TBL1X: variants seen among roughly 807,000 people sequenced by gnomAD.
The protein encoded by TBL1X is F-box-like/WD repeat-containing protein TBL1X.
Under a neutral mutation model 50.7 loss-of-function variants are expected in TBL1X, and 10 were observed. The observed-to-expected ratio is 0.20, with a 90% CI of 0.12 to 0.33. The LOEUF (loss-of-function observed/expected upper bound fraction) is 0.33. Among genes scored for constraint, TBL1X ranks in the 10% least tolerant of loss-of-function variants. The pLI, the probability that TBL1X is intolerant of heterozygous loss-of-function variation, is 1.00. For missense variants in TBL1X, 340 were observed against 504.4 expected, an observed-to-expected ratio of 0.67 and a Z score of 3.12; for synonymous variants, 190 against 214.7, an observed-to-expected ratio of 0.88 and a Z score of 1.01.
intron 2 of TBL1X, among the ~76,000 whole-genome samples, chrX:9,578,209 TG>T (rs2082422542): frequency 8.9e-6 from 1 of 111,906 alleles, no homozygotes; most frequent in African/African-American, 3.3e-5. Flanking sequence ...AAACCAGCCC[TG>T]TTAAGTGCTG....
At position 9,664,539 on chromosome X, in the gene TBL1X, C is replaced by T. The variant is rs755565848; in HGVS notation, c.211+10217C>T. On this transcript the variant is annotated intron_variant, in intron 5 of 17. Coordinates refer to ENST00000645353, the MANE Select transcript of TBL1X (RefSeq NM_005647.4). ...TGAATGTTTGCAGACTGGGGACTGT[C>T]GTTTCTGGGTGGGCTGCATTTTTAC... Among the ~76,000 whole-genome samples, 5 of 110,724 alleles carry T rather than the reference C, an allele frequency of 4.5e-5. No homozygotes were observed. In the South Asian group the frequency reaches 1.2e-3, roughly 26 times the overall value.
At chrX:9,665,522 T>C (rs1298418886) in intron 5 of TBL1X, among the ~76,000 whole-genome samples, 2 of 49,793 alleles carry the variant, frequency 4.0e-5, no homozygotes, top group East Asian at 1.7e-3. Flanking sequence ...TATATATATA[T>C]ATATATATAT....
In TBL1X at chrX:9,716,137, G is replaced by A. The variant is rs2083276900; in HGVS notation, c.1708-83G>A. 4.8e-6 allele frequency: 5 copies of A among 1,051,292 alleles called. No homozygotes were observed. In the South Asian group the frequency reaches 7.9e-5, roughly 17 times the overall value. 86.6% of individuals were successfully genotyped at this position (1,051,292 alleles called of 1,213,427 possible). On this transcript the variant is annotated intron_variant, in intron 17 of 17. Transcript: ENST00000645353. Reference sequence around the variant, plus strand: ...CGGTGGAGGGCTAGATTGGGCGTGGGGGCCGTAGCTTGCCGACTTCTCACT... The same window carrying A: ...CGGTGGAGGGCTAGATTGGGCGTGGAGGCCGTAGCTTGCCGACTTCTCACT...
At position 9,690,601 on chromosome X, in the gene TBL1X, T is replaced by C. The variant is rs2083090812; in HGVS notation, c.617-978T>C. On this transcript the variant is annotated intron_variant, in intron 7 of 17. Transcript: ENST00000645353. Reference sequence around the variant, plus strand: ...CCCTGGAAATTGGGGCTTCAAGATATGAATTTTAGGGGGACATAGTTTAGC... The same window carrying C: ...CCCTGGAAATTGGGGCTTCAAGATACGAATTTTAGGGGGACATAGTTTAGC... Among the ~76,000 whole-genome samples, 3 of 111,854 alleles carry C rather than the reference T, an allele frequency of 2.7e-5. No individual in the cohort carries two copies. In the Admixed American group the frequency reaches 2.9e-4, roughly 11 times the overall value.
chrX:9,627,055 A>G (rs1360012747), intron 2 of TBL1X, among the ~76,000 whole-genome samples: 2 of 112,453 alleles, frequency 1.8e-5, no homozygotes, highest in Non-Finnish European at 3.8e-5. Context: ...GCAAGTTTCC[A>G]GTAGCTGTAA....
intron 5 of TBL1X, among the ~76,000 whole-genome samples, chrX:9,668,373 G>GAA (rs749335254): frequency 1.1e-4 from 10 of 90,405 alleles, no homozygotes; most frequent in Non-Finnish European, 8.9e-5. Flanking sequence ...ATTGGAATAG[G>GAA]AAAAAAAAAA....
intron 2 of TBL1X, among the ~76,000 whole-genome samples, chrX:9,613,681 A>G (rs758052636): frequency 1.3e-4 from 14 of 111,678 alleles, no homozygotes; most frequent in African/African-American, 4.6e-4. Context: ...GTAAATCAAA[A>G]TCTATCATGA....
intron 5 of TBL1X, among the ~76,000 whole-genome samples, chrX:9,674,454 G>T (rs899452541): frequency 1.8e-5 from 2 of 111,388 alleles, no homozygotes; most frequent in African/African-American, 6.6e-5. Flanking sequence ...TAGTGGCAGT[G>T]TTTCACCATG....
At chrX:9,619,265 A>C (rs1388079805) in intron 2 of TBL1X, among the ~76,000 whole-genome samples, 1 of 112,104 alleles carries the variant, frequency 8.9e-6, no homozygotes, top group African/African-American at 3.2e-5. Flanking sequence ...TGATACATAC[A>C]TGTCTTACTT....
Position 9,679,916 on chromosome X carries a change from A to G in TBL1X, c.212-4127A>G, listed in dbSNP as rs375305369. ...GTCCTTGGGCATTGTCTTAGTTAGT[A>G]TGGGCTATAACCAACACCTTAGACT... is the stretch of plus-strand genomic sequence containing the variant. On this transcript the variant is annotated intron_variant, in intron 5 of 17. Transcript: ENST00000645353. Among the ~76,000 whole-genome samples the G allele has an allele frequency of 5.8e-4, 65 of 112,062 alleles. 8 individuals carry two copies. Among genetic ancestry groups the G allele is most frequent in the Admixed American group, 4.2e-3 (45 of 10,624 alleles).
At chrX:9,666,150 A>T (rs1007743678) in intron 5 of TBL1X, among the ~76,000 whole-genome samples, 2 of 111,754 alleles carry the variant, frequency 1.8e-5, no homozygotes, top group East Asian at 2.8e-4. Context: ...GGGATCCAAG[A>T]TGTCATATAA....
chrX:9,621,956 A>G (rs761603413), intron 2 of TBL1X, among the ~76,000 whole-genome samples: 9 of 112,033 alleles, frequency 8.0e-5, no homozygotes, highest in Non-Finnish European at 1.5e-4. Context: ...TTTGAATCTG[A>G]AAAGAAAAAA....
chrX:9,509,482 C>CAT (rs2082044003), intron 2 of TBL1X, among the ~76,000 whole-genome samples: 2 of 63,552 alleles, frequency 3.1e-5, no homozygotes, highest in African/African-American at 1.3e-4. Flanking sequence ...TACAGAATCG[C>CAT]TTTTTTTTTT....
At chrX:9,513,174 T>C (rs1265442336) in intron 2 of TBL1X, among the ~76,000 whole-genome samples, 2 of 111,212 alleles carry the variant, frequency 1.8e-5, no homozygotes. Flanking sequence ...TATGATGACC[T>C]CTCTGCTTTT....
chrX:9,641,470 A>G (rs940700525), intron 3 of TBL1X, among the ~76,000 whole-genome samples: 4 of 112,727 alleles, frequency 3.5e-5, no homozygotes, highest in African/African-American at 1.3e-4. Context: ...GAACTTGGGC[A>G]GTTTTAAAGT....
intron 2 of TBL1X, among the ~76,000 whole-genome samples, chrX:9,584,888 A>G (rs2082460219): frequency 9.0e-6 from 1 of 111,403 alleles, no homozygotes; most frequent in Admixed American, 9.5e-5. Flanking sequence ...AGGAGAGGAA[A>G]ATGTTTTGGA....
chrX:9,612,415 CT>C (rs1274784610), intron 2 of TBL1X, among the ~76,000 whole-genome samples: 1 of 111,449 alleles, frequency 9.0e-6, no homozygotes, highest in African/African-American at 3.3e-5. Flanking sequence ...GGAATTTATA[CT>C]TTTCTAGCAG....
intron 2 of TBL1X, among the ~76,000 whole-genome samples, chrX:9,540,467 T>C (rs1174492203): frequency 8.9e-6 from 1 of 112,379 alleles, no homozygotes; most frequent in Non-Finnish European, 1.9e-5. Flanking sequence ...CAGTGGCTCT[T>C]CCATTGGAGA....
At chrX:9,578,396 C>G (rs1325066031) in intron 2 of TBL1X, among the ~76,000 whole-genome samples, 1 of 111,239 alleles carries the variant, frequency 9.0e-6, no homozygotes, top group African/African-American at 3.3e-5. Flanking sequence ...CCCTCACACA[C>G]AAAAAGTGCT....
Sources: allele counts gnomAD v4.1 joint callset (sites outside exome capture counted in the v4.1 genomes callset), GRCh38; gene constraint gnomAD v4.1.1; transcripts MANE v1.5; gene names NCBI Gene and HGNC (gene_info 2026-07-23, HGNC 2026-07-21).